The following TRAPPC9 variants were observed in gnomAD, a reference collection of about 807,000 sequenced individuals.
TRAPPC9 encodes the protein trafficking protein particle complex subunit 9.
Under a neutral mutation model 124.0 loss-of-function variants are expected in TRAPPC9, and 83 were observed. The ratio of observed to expected loss-of-function variants is 0.67; its 90% CI spans 0.56 to 0.80. The LOEUF (loss-of-function observed/expected upper bound fraction) is 0.80, where lower values mean the gene tolerates loss of function less well. TRAPPC9 is among the 30% of genes least tolerant of loss of function. The probability of loss-of-function intolerance (pLI) is 0.00; values close to 1 mark genes in which losing one functional copy is unlikely to be tolerated. For synonymous variants in TRAPPC9, 638 were observed against 617.5 expected, an observed-to-expected ratio of 1.03 and a Z score of -0.49; for missense variants, 1,302 against 1,508.3, an observed-to-expected ratio of 0.86 and a Z score of 2.27.
intron 16 of TRAPPC9, among the ~76,000 whole-genome samples, chr8:140,231,609 C>A (rs1275819133): frequency 2.7e-5 from 4 of 147,242 alleles, no homozygotes; most frequent in Non-Finnish European, 5.9e-5. Flanking sequence ...TCTCCTGCCT[C>A]AGCCTCCCAA....
At chr8:140,090,446 T>G (rs1350917437) in intron 17 of TRAPPC9, among the ~76,000 whole-genome samples, 1 of 152,178 alleles carries the variant, frequency 6.6e-6, no homozygotes, top group African/African-American at 2.4e-5. Flanking sequence ...CAAGTTTCAT[T>G]TCTTCACCTG....
In TRAPPC9 at chr8:140,182,893, G is replaced by A. The variant is rs2062238727; in HGVS notation, c.2556+38566C>T. Among the ~76,000 whole-genome samples, 1 of 152,080 alleles carries A rather than the reference G, an allele frequency of 6.6e-6. No individual in the cohort carries two copies. The highest frequency in any genetic ancestry group is 1.5e-5 in the Non-Finnish European group (1 of 68,024). On this transcript the variant is annotated intron_variant, in intron 17 of 22. Transcript: ENST00000438773. The surrounding 1 kb of genome is among the most constrained non-coding windows in gnomAD (Gnocchi z 4.0). ...AGTGCAGCCTTTCCAATGCACGGGA[G>A]CCAGCACTCTCTCCCTCCCAGAGCA...
intron 19 of TRAPPC9, among the ~76,000 whole-genome samples, chr8:139,923,857 A>G (rs1043044069): frequency 1.3e-5 from 2 of 152,236 alleles, no homozygotes; most frequent in African/African-American, 4.8e-5. Flanking sequence ...TGCCTCAATC[A>G]TATTGAATCA....
intron 19 of TRAPPC9, among the ~76,000 whole-genome samples, chr8:139,971,363 T>G (rs1587374411): frequency 6.6e-6 from 1 of 152,206 alleles, no homozygotes; most frequent in Non-Finnish European, 1.5e-5. Flanking sequence ...CCCAACCTCC[T>G]GGCCTGGCAC....
At chr8:139,802,464 C>T (rs1038138501) in intron 21 of TRAPPC9, among the ~76,000 whole-genome samples, 2 of 152,144 alleles carry the variant, frequency 1.3e-5, no homozygotes, top group African/African-American at 4.8e-5. Context: ...GTGGGCTTCC[C>T]ACCCTGGCTC....
At chr8:140,336,825 G>A (rs894114702) in intron 9 of TRAPPC9, among the ~76,000 whole-genome samples, 4 of 152,192 alleles carry the variant, frequency 2.6e-5, no homozygotes, top group African/African-American at 4.8e-5. Flanking sequence ...AACCAGGGCC[G>A]TGACGATGGA....
chr8:140,229,742 G>C (rs1285125322), intron 16 of TRAPPC9, among the ~76,000 whole-genome samples: 1 of 151,838 alleles, frequency 6.6e-6, no homozygotes, highest in East Asian at 1.9e-4. Context: ...ATTTTTAGTA[G>C]AAATGGGGTT....
intron 1 of TRAPPC9, among the ~76,000 whole-genome samples, chr8:140,455,932 AT>A (rs1241013036): frequency 2.6e-5 from 4 of 152,232 alleles, no homozygotes; most frequent in Non-Finnish European, 4.4e-5. Flanking sequence ...CACATGTTGT[AT>A]GATTCCATTA....
chr8:139,930,371 G>A (rs1002216367), intron 19 of TRAPPC9, among the ~76,000 whole-genome samples: 1 of 152,188 alleles, frequency 6.6e-6, no homozygotes, highest in South Asian at 2.1e-4. Flanking sequence ...CACACAACAC[G>A]GTTCTCGCCA....
chr8:140,394,554 G>C (rs964210646), intron 7 of TRAPPC9, among the ~76,000 whole-genome samples: 5 of 152,196 alleles, frequency 3.3e-5, no homozygotes, highest in African/African-American at 1.2e-4. Flanking sequence ...GTGAACCTGA[G>C]CCCATCTGAC....
At chr8:139,732,284 C>A in intron 21 of TRAPPC9, 82 bp from the exon 22 acceptor site, 1 of 1,282,242 alleles carries the variant, frequency 7.8e-7, no homozygotes, top group South Asian at 1.4e-5. Flanking sequence ...CTGATTCATT[C>A]ATTTCTTCCC....
chr8:140,124,244 G>T (rs1265296350), intron 17 of TRAPPC9, among the ~76,000 whole-genome samples: 1 of 152,202 alleles, frequency 6.6e-6, no homozygotes, highest in African/African-American at 2.4e-5. Context: ...CGTTCCTGGG[G>T]TAGGGTGCAG....
At chr8:139,935,382 T>A (rs1833445395) in intron 19 of TRAPPC9, among the ~76,000 whole-genome samples, 1 of 152,174 alleles carries the variant, frequency 6.6e-6, no homozygotes, top group African/African-American at 2.4e-5. Flanking sequence ...CCTCTCTGGG[T>A]CTCAATTTCC....
At position 140,371,021 on chromosome 8, in the gene TRAPPC9, G is replaced by C; in HGVS notation, c.1294C>G (p.Leu432Val). The change falls in exon 8 of 23, where the codon CTC becomes GTC. Residue 432 changes from leucine to valine, a missense_variant. Physicochemically the swap from Leu to Val is conservative, Grantham distance 32. Transcript: ENST00000438773. Reference protein sequence around the residue: ...EPGWRACYKLLLETLPGYSLS... With the variant: ...EPGWRACYKLVLETLPGYSLS... Reference sequence around the variant, plus strand: ...CTGTAGCCGGGCAGCGTTTCCAGGAGGAGTTTGTAGCAGGCCCTCCACCCA... The same window carrying C: ...CTGTAGCCGGGCAGCGTTTCCAGGACGAGTTTGTAGCAGGCCCTCCACCCA... 6.2e-7 allele frequency: 1 copy of C among 1,614,278 alleles called. No individual in the cohort carries two copies. Among genetic ancestry groups the C allele is most frequent in the East Asian group, 2.2e-5 (1 of 44,884 alleles).
At chr8:140,042,270 G>A (rs1841324792) in intron 17 of TRAPPC9, among the ~76,000 whole-genome samples, 1 of 151,892 alleles carries the variant, frequency 6.6e-6, no homozygotes, top group Non-Finnish European at 1.5e-5. Context: ...AGAGAAAAAA[G>A]AAAATGGGTA....
intron 15 of TRAPPC9, among the ~76,000 whole-genome samples, chr8:140,255,758 C>T (rs1202976461): frequency 6.6e-6 from 1 of 152,186 alleles, no homozygotes; most frequent in Non-Finnish European, 1.5e-5. Flanking sequence ...TGGTGGCGCA[C>T]ACCTGTAGTC....
At chr8:140,149,176 T>C (rs2061504216) in intron 17 of TRAPPC9, among the ~76,000 whole-genome samples, 1 of 152,032 alleles carries the variant, frequency 6.6e-6, no homozygotes, top group South Asian at 2.1e-4. Flanking sequence ...TCTGATCTCG[T>C]TCCATTGCTC....
chr8:140,024,295 G>A (rs535292560), intron 17 of TRAPPC9, among the ~76,000 whole-genome samples: 41 of 152,084 alleles, frequency 2.7e-4, no homozygotes, highest in South Asian at 1.5e-3. Context: ...TTACACCCCC[G>A]GTGGGCACCA....
intron 18 of TRAPPC9, among the ~76,000 whole-genome samples, chr8:140,022,843 A>C (rs1359204169): frequency 1.3e-5 from 2 of 152,242 alleles, no homozygotes; most frequent in Non-Finnish European, 2.9e-5. Context: ...TAAAAGGCCC[A>C]GCTAAACCAT....
Sources: allele counts gnomAD v4.1 joint callset (sites outside exome capture counted in the v4.1 genomes callset), GRCh38; gene constraint gnomAD v4.1.1; non-coding constraint Gnocchi (gnomAD v3.1); transcripts MANE v1.5; gene names NCBI Gene and HGNC (gene_info 2026-07-23, HGNC 2026-07-21).